IMMT: variants seen among roughly 807,000 people sequenced by gnomAD.
IMMT encodes the protein inner membrane mitochondrial protein.
In IMMT, 40 loss-of-function variants were observed where a neutral mutation model predicts 92.7. The observed-to-expected ratio is 0.43, with a 90% confidence interval of 0.34 to 0.56. The LOEUF is 0.56. Ranked by LOEUF, IMMT falls within the 20% of genes least tolerant of loss-of-function variation. The probability of loss-of-function intolerance (pLI) is 0.03; values close to 1 mark genes in which losing one functional copy is unlikely to be tolerated. For missense variants in IMMT, 831 were observed against 912.1 expected, an observed-to-expected ratio of 0.91 and a Z score of 1.14; for synonymous variants, 322 against 336.1, an observed-to-expected ratio of 0.96 and a Z score of 0.46.
intron 4 of IMMT, 91 bp downstream of exon 4, chr2:86,173,559 A>T: frequency 2.6e-6 from 2 of 762,050 alleles, no homozygotes; most frequent in Non-Finnish European, 4.4e-6. Context: ...CAGCCTAGGC[A>T]ACAAGAGCGA....
At chr2:86,160,549 T>C (rs1379255183) in intron 8 of IMMT, among the ~76,000 whole-genome samples, 3 of 152,174 alleles carry the variant, frequency 2.0e-5, no homozygotes, top group Admixed American at 1.3e-4. Flanking sequence ...TCCTAAAAGA[T>C]ATGCTAGTTT....
Position 86,181,344 on chromosome 2 carries a change from C to T in IMMT, c.74G>A (p.Arg25His), listed in dbSNP as rs553749237. 22 of 1,613,384 alleles carry T rather than the reference C, an allele frequency of 1.4e-5. No homozygotes were observed. The highest frequency in any genetic ancestry group is 4.0e-5 in the African/African-American group (3 of 74,804). ...GTATCTGCGGCATGGTCGCAATGGA[C>T]GGAGGACAAACTTCCCACAGAGACA... Reference protein sequence around the residue: ...QSCLCGKFVLRPLRPCRRYST... With the variant: ...QSCLCGKFVLHPLRPCRRYST... The change falls in exon 2 of 15, where the codon CGT becomes CAT. Residue 25 changes from arginine (R) to histidine (H), a missense_variant. Arg to His is a conservative substitution (Grantham distance 29). Coordinates refer to ENST00000410111, the MANE Select transcript of IMMT (RefSeq NM_006839.3).
chr2:86,159,229 G>A (rs1676085701), intron 9 of IMMT: 2 of 378,000 alleles, frequency 5.3e-6, no homozygotes, highest in Non-Finnish European at 1.0e-5. Context: ...AGGACTACAG[G>A]CGCACACCAC....
At chr2:86,170,362 T>C (rs1031898026) in intron 6 of IMMT, among the ~76,000 whole-genome samples, 4 of 152,138 alleles carry the variant, frequency 2.6e-5, no homozygotes, top group African/African-American at 9.7e-5. Context: ...GAGGCTGCAG[T>C]GAGCCATGAC....
chr2:86,194,508 A>T (rs1219574865), intron 1 of IMMT, among the ~76,000 whole-genome samples: 1 of 152,216 alleles, frequency 6.6e-6, no homozygotes, highest in Non-Finnish European at 1.5e-5. Flanking sequence ...GATTCTGTTC[A>T]ATTACTGCTT....
chr2:86,158,596 T>G lies in IMMT; in HGVS notation c.1158A>C (p.Gly386=). 6.2e-7 allele frequency: 1 copy of G among 1,602,324 alleles called. No homozygotes were observed. Among genetic ancestry groups the G allele is most frequent in the Non-Finnish European group, 8.5e-7 (1 of 1,173,398 alleles). The change falls in exon 10 of 15, where the codon GGA becomes GGC. Residue 386 remains glycine (G), a synonymous_variant. Coordinates refer to ENST00000410111, the MANE Select transcript of IMMT (RefSeq NM_006839.3). ...ITPEVLPGWK[G]MSVSDLADKL... ...CATTACTTCAGTTGTACTCACTCAT[T>G]CCTTTCCACCCAGGAAGGACTTCTG... is the stretch of plus-strand genomic sequence containing the variant.
chr2:86,159,412 C>A, intron 9 of IMMT, 124 bp downstream of exon 9: 1 of 873,958 alleles, frequency 1.1e-6, no homozygotes, highest in Non-Finnish European at 1.8e-6. Context: ...ACAGTAACAA[C>A]GAATACACTT....
At chr2:86,154,237 A>G (rs1251371637) in intron 10 of IMMT, among the ~76,000 whole-genome samples, 1 of 151,344 alleles carries the variant, frequency 6.6e-6, no homozygotes, top group Non-Finnish European at 1.5e-5. Flanking sequence ...CAGTGGCGCA[A>G]TCTCAGCTCA....
At position 86,195,211 on chromosome 2, in the gene IMMT, TCCCGACGAGGGTGG is replaced by T. The variant is rs948270303; in HGVS notation, c.45+113_45+126del. On this transcript the variant is annotated intron_variant, in intron 1 of 14. Transcript: ENST00000410111. ...CTGCCTAGCTGCCCGCCCGGGCCTCTCCCGACGAGGGTGGCCCTGAGGCTCGCCTTTGTCCTGGA... is the reference window on the plus strand; with the variant it reads ...CTGCCTAGCTGCCCGCCCGGGCCTCTCCCTGAGGCTCGCCTTTGTCCTGGA... The T allele has an allele frequency of 3.0e-5, 31 of 1,043,698 alleles. No individual in the cohort carries two copies. In the Admixed American group the frequency reaches 5.4e-4, roughly 18 times the overall value. The allele number at this position is 1,043,698 out of a possible 1,614,324, so 64.7% of individuals were successfully genotyped here.
intron 12 of IMMT, among the ~76,000 whole-genome samples, chr2:86,150,513 A>C (rs994513832): frequency 6.6e-6 from 1 of 152,232 alleles, no homozygotes; most frequent in African/African-American, 2.4e-5. Flanking sequence ...ACTGCTAAGA[A>C]GACACAAAGG....
chr2:86,188,574 T>C (rs1260818213), intron 1 of IMMT, among the ~76,000 whole-genome samples: 1 of 152,058 alleles, frequency 6.6e-6, no homozygotes, highest in Non-Finnish European at 1.5e-5. Context: ...TACAGGTGCA[T>C]GCCACCACAC....
At chr2:86,174,913 T>C (rs1285567204) in intron 3 of IMMT, among the ~76,000 whole-genome samples, 1 of 152,186 alleles carries the variant, frequency 6.6e-6, no homozygotes, top group Non-Finnish European at 1.5e-5. Flanking sequence ...GCAATGAACA[T>C]CCATCCCTGT....
intron 6 of IMMT, among the ~76,000 whole-genome samples, chr2:86,167,416 G>A (rs1368282196): frequency 2.7e-5 from 4 of 149,178 alleles, no homozygotes; most frequent in East Asian, 4.1e-4. Context: ...CCCATGATCC[G>A]CCCACCCTGG....
chr2:86,169,957 G>A (rs1240708832), intron 6 of IMMT, among the ~76,000 whole-genome samples: 2 of 152,142 alleles, frequency 1.3e-5, no homozygotes, highest in Non-Finnish European at 2.9e-5. Flanking sequence ...CTGGAAACCA[G>A]CGATGTGTAG....
intron 13 of IMMT, 145 bp downstream of exon 13, chr2:86,147,557 C>A: frequency 1.6e-6 from 1 of 635,320 alleles, no homozygotes; most frequent in Non-Finnish European, 2.6e-6. Flanking sequence ...CACACAGGTA[C>A]ACCATTATGT....
chr2:86,176,645 A>G (rs1677448806), intron 3 of IMMT, among the ~76,000 whole-genome samples: 2 of 152,236 alleles, frequency 1.3e-5, no homozygotes, highest in Non-Finnish European at 2.9e-5. Flanking sequence ...AATAAGGAGC[A>G]GTGTAAGTGT....
Position 86,144,547 on chromosome 2 carries a change from C to A in IMMT, c.1998G>T (p.Leu666=). 1 of 1,614,002 alleles carries A rather than the reference C, an allele frequency of 6.2e-7. No homozygotes were observed. The highest frequency in any genetic ancestry group is 2.2e-5 in the East Asian group (1 of 44,888). The change falls in exon 15 of 15, where the codon CTG becomes CTT. Residue 666 remains leucine, a synonymous_variant. Transcript: ENST00000410111. ...TCAGTTGCTGAGGTGGGAATAGGAG[C>A]AGGGACTGTAGGTAGGAGAGGAAGT... ...YQYFLSYLQS[L]LLFPPQQLKP... is the part of the protein sequence containing the mutation.
chr2:86,158,491 A>AT (rs1676020430), intron 10 of IMMT, 101 bp downstream of exon 10: 1 of 936,412 alleles, frequency 1.1e-6, no homozygotes. Context: ...ATATGCATGC[A>AT]TGCCAGAGGG....
intron 1 of IMMT, among the ~76,000 whole-genome samples, chr2:86,191,747 C>CAAA (rs572412565): frequency 1.2e-4 from 14 of 116,856 alleles, no homozygotes; most frequent in East Asian, 5.5e-4. Flanking sequence ...ACTAAAAATA[C>CAAA]AAAAAAAAAA....
Sources: gnomAD v4.1 joint callset for allele counts (sites outside exome capture counted in the v4.1 genomes callset) on GRCh38, gnomAD v4.1.1 for gene constraint, MANE v1.5 for transcripts, NCBI Gene and HGNC (gene_info 2026-07-23, HGNC 2026-07-21) for gene names.